The following NOX4 variants were observed in gnomAD, a reference collection of about 807,000 sequenced individuals.
NOX4 encodes the protein kidney oxidase-1.
Under a neutral mutation model 87.6 loss-of-function variants are expected in NOX4, and 69 were observed. That is an observed-to-expected ratio of 0.79 (90% CI 0.65 to 0.96). The LOEUF (loss-of-function observed/expected upper bound fraction) is 0.96, where lower values mean the gene tolerates loss of function less well. Ranked by LOEUF, NOX4 falls within the 40% of genes least tolerant of loss-of-function variation. The probability of loss-of-function intolerance (pLI) is 0.00; values close to 1 mark genes in which losing one functional copy is unlikely to be tolerated. For missense variants in NOX4, 680 were observed against 681.5 expected (o/e 1.00, Z 0.02); for synonymous variants, 275 against 238.2 (o/e 1.15, Z -1.42).
At chr11:89,391,662 A>G (rs317152) in intron 11 of NOX4, among the ~76,000 whole-genome samples, 9,063 of 148,302 alleles carry the variant, frequency 0.061, 573 homozygotes, top group African/African-American at 0.16. Flanking sequence ...AGGAGGCTAA[A>G]CCCAGGTGTC....
At chr11:89,441,972 AT>A (rs1944476143) in intron 5 of NOX4, among the ~76,000 whole-genome samples, 2 of 145,116 alleles carry the variant, frequency 1.4e-5, no homozygotes, top group Admixed American at 1.4e-4. Flanking sequence ...TATATATATA[AT>A]CAATATATAA....
intron 17 of NOX4, among the ~76,000 whole-genome samples, chr11:89,329,944 AG>A (rs2135361306): frequency 6.6e-6 from 1 of 152,222 alleles, no homozygotes; most frequent in African/African-American, 2.4e-5. Context: ...AAAGGAAAGA[AG>A]GACACCAAAA....
chr11:89,334,816 G>T (rs1004038853), intron 17 of NOX4, among the ~76,000 whole-genome samples: 5 of 151,524 alleles, frequency 3.3e-5, no homozygotes, highest in Admixed American at 3.3e-4. Context: ...TTTTGCAGAA[G>T]TATGATTAGG....
At chr11:89,490,660 C>T (rs748415855) in intron 1 of NOX4, 107 bp from the exon 2 acceptor site, 2 of 803,502 alleles carry the variant, frequency 2.5e-6, no homozygotes, top group South Asian at 2.8e-5. Flanking sequence ...TCAATGGAAC[C>T]TAAATCAGTA....
Position 89,460,608 on chromosome 11 carries a change from A to T in NOX4, c.154-8713T>A, listed in dbSNP as rs202059561. On this transcript the variant is annotated intron_variant, in intron 2 of 17. Coordinates refer to ENST00000263317, the MANE Select transcript of NOX4 (RefSeq NM_016931.5). ...AAATGCAAATCAAAACCACAATGAG[A>T]TACCATCTCACACCAGTTAGAATGG... 1.5e-3 allele frequency among the ~76,000 whole-genome samples: 230 copies of T among 152,320 alleles called. 5 individuals carry two copies. Among genetic ancestry groups the T allele is most frequent in the Admixed American group, 0.011 (171 of 15,300 alleles).
chr11:89,440,398 C>A (rs896204701), intron 6 of NOX4, among the ~76,000 whole-genome samples: 2 of 152,098 alleles, frequency 1.3e-5, no homozygotes, highest in African/African-American at 4.8e-5. Flanking sequence ...CAGCTCAGTG[C>A]AATTTCTGCC....
intron 13 of NOX4, among the ~76,000 whole-genome samples, chr11:89,347,260 A>C (rs544770523): frequency 3.9e-5 from 6 of 152,300 alleles, no homozygotes; most frequent in African/African-American, 1.2e-4. Context: ...ACCCAGAGCC[A>C]CCTCTACCAG....
intron 4 of NOX4, among the ~76,000 whole-genome samples, chr11:89,448,322 T>A (rs1944799852): frequency 6.6e-6 from 1 of 152,122 alleles, no homozygotes; most frequent in South Asian, 2.1e-4. Flanking sequence ...CTCCTCGGAA[T>A]CCATGTCCTT....
the NOX4 span, among the ~76,000 whole-genome samples, chr11:89,515,635 T>A: frequency 1.3e-5 from 2 of 152,058 alleles, no homozygotes; most frequent in Admixed American, 1.3e-4. Flanking sequence ...AATATTTGCC[T>A]ATACCAGGAT....
chr11:89,562,776 T>C, the NOX4 span, among the ~76,000 whole-genome samples: 1 of 152,242 alleles, frequency 6.6e-6, no homozygotes. Flanking sequence ...CTATGCTTTG[T>C]GTATTTATGA....
intron 11 of NOX4, among the ~76,000 whole-genome samples, chr11:89,382,885 CA>C (rs1394472309): frequency 1.3e-5 from 2 of 152,098 alleles, no homozygotes; most frequent in Non-Finnish European, 2.9e-5. Flanking sequence ...AATCAGTTAG[CA>C]TTTAGGCTCT....
intron 12 of NOX4, among the ~76,000 whole-genome samples, chr11:89,372,334 G>A (rs1939507559): frequency 6.6e-6 from 1 of 151,908 alleles, no homozygotes; most frequent in Non-Finnish European, 1.5e-5. Flanking sequence ...CTAATATTTT[G>A]CTGAGGCATT....
intron 11 of NOX4, among the ~76,000 whole-genome samples, chr11:89,377,082 T>C (rs368421444): frequency 6.6e-6 from 1 of 151,880 alleles, no homozygotes; most frequent in Non-Finnish European, 1.5e-5. Context: ...AATACACGCA[T>C]AAAAAATAAA....
At chr11:89,434,925 T>C (rs1206936587) in intron 6 of NOX4, among the ~76,000 whole-genome samples, 1 of 152,080 alleles carries the variant, frequency 6.6e-6, no homozygotes, top group Non-Finnish European at 1.5e-5. Flanking sequence ...ATTCACACTA[T>C]TCTTCAGTGA....
intron 2 of NOX4, among the ~76,000 whole-genome samples, chr11:89,471,328 A>C (rs527573353): frequency 6.6e-6 from 1 of 152,196 alleles, no homozygotes; most frequent in Non-Finnish European, 1.5e-5. Flanking sequence ...TTAATAAATA[A>C]AATTGTTTCT....
chr11:89,438,834 ATATTAT>A lies in NOX4; in HGVS notation c.475+1848_475+1853del, dbSNP rs1565293482. Among the ~76,000 whole-genome samples the A allele has an allele frequency of 5.3e-5, 2 of 38,026 alleles. 1 individual carries two copies. Among genetic ancestry groups the A allele is most frequent in the African/African-American group, 3.8e-4 (2 of 5,240 alleles). The allele number at this position is 38,026 out of a possible 152,430, so 24.9% of individuals were successfully genotyped here. A position where few individuals can be genotyped will look rare whatever the true frequency, so the allele number is the denominator to read the frequency against. On this transcript the variant is annotated intron_variant, in intron 6 of 17. Transcript: ENST00000263317. Reference sequence around the variant, plus strand: ...TTATATATATTATATAATATCTTATATATTATATATATTATATAATATATTATATAT... The same window carrying A: ...TTATATATATTATATAATATCTTATAATATATTATATAATATATTATATAT...
chr11:89,551,775 T>C, the NOX4 span, among the ~76,000 whole-genome samples: 1 of 152,064 alleles, frequency 6.6e-6, no homozygotes, highest in African/African-American at 2.4e-5. Context: ...CCTGTTTGAA[T>C]ACCATTTTTT....
chr11:89,536,362 G>A, the NOX4 span, among the ~76,000 whole-genome samples: 1 of 151,732 alleles, frequency 6.6e-6, no homozygotes, highest in African/African-American at 2.4e-5. Flanking sequence ...TAGCCAGGAT[G>A]GTCTCGATCT....
Position 89,326,840 on chromosome 11 carries a change from T to C in NOX4, c.1653A>G (p.Ser551=), listed in dbSNP as rs752293379. Residue 551 remains serine, a synonymous_variant, in exon 18 of 18, where the codon TCA becomes TCG. Coordinates refer to ENST00000263317, the MANE Select transcript of NOX4 (RefSeq NM_016931.5). ...TCAGTTTATGAAGAGTCTTGGATAG[T>C]GAATTGGGTCCACAACAGAAAACAC... is the stretch of plus-strand genomic sequence containing the variant. ...TVGVFCCGPN[S]LSKTLHKLSN... 1.8e-5 allele frequency: 29 copies of C among 1,613,284 alleles called. No homozygotes were observed. In the South Asian group the frequency reaches 3.2e-4, roughly 18 times the overall value.
Sources: allele counts gnomAD v4.1 joint callset (sites outside exome capture counted in the v4.1 genomes callset), GRCh38; gene constraint gnomAD v4.1.1; transcripts MANE v1.5; gene names NCBI Gene and HGNC (gene_info 2026-07-23, HGNC 2026-07-21).